Variants in CLPX observed in about 807,000 individuals in gnomAD.
CLPX encodes the protein ATP-dependent clpX-like chaperone, mitochondrial.
A neutral mutation model predicts 76.4 loss-of-function variants in CLPX; 34 were observed. The ratio of observed to expected loss-of-function variants is 0.45; its 90% CI spans 0.34 to 0.59. The LOEUF is 0.59. Ranked by LOEUF, CLPX falls within the 20% of genes least tolerant of loss-of-function variation. The pLI is 0.01. For synonymous variants in CLPX, 248 were observed against 270.9 expected, an observed-to-expected ratio of 0.92 and a Z score of 0.83; for missense variants, 613 against 757.0, an observed-to-expected ratio of 0.81 and a Z score of 2.23.
intron 13 of CLPX, among the ~76,000 whole-genome samples, chr15:65,151,780 T>C (rs188295724): frequency 2.7e-4 from 41 of 152,292 alleles, no homozygotes; most frequent in Admixed American, 2.4e-3. Flanking sequence ...CAAGCAAACA[T>C]AAAACATAAC....
rs1484333668 is a variant in CLPX, at chr15:65,185,246, G to A, written c.-93C>T. ...CCGCAAGGCGCGCTGACTCGGTTCC[G>A]AACCCTTTCGCGGGCCCTAGACCCC... is the stretch of plus-strand genomic sequence containing the variant. On this transcript the variant is annotated 5_prime_UTR_variant, in exon 1 of 14. Transcript: ENST00000300107. The A allele has an allele frequency of 1.0e-5, 11 of 1,086,012 alleles. No homozygotes were observed. The African/African-American group carries it at 1.2e-4, about 12-fold the overall frequency. 67.3% of individuals were successfully genotyped at this position (1,086,012 alleles called of 1,614,324 possible).
chr15:65,175,131 T>C (rs1417230998), intron 3 of CLPX, among the ~76,000 whole-genome samples: 1 of 152,100 alleles, frequency 6.6e-6, no homozygotes, highest in African/African-American at 2.4e-5. Flanking sequence ...CACAAAAGAA[T>C]TACAACTGAC....
Position 65,152,539 on chromosome 15 carries a change from A to AT in CLPX, c.1705-4_1705-3insA. On this transcript the variant is annotated splice_polypyrimidine_tract_variant and splice_region_variant and intron_variant, in intron 12 of 13. Coordinates refer to ENST00000300107, the MANE Select transcript of CLPX (RefSeq NM_006660.5). ...ATTGGTTCTAGTAACAGCTTTTCCTAAAGAAATAAAAAGTAATGAATCACA... is the reference window on the plus strand; with the variant it reads ...ATTGGTTCTAGTAACAGCTTTTCCTATAAGAAATAAAAAGTAATGAATCACA... 1 of 1,450,018 alleles carries AT rather than the reference A, an allele frequency of 6.9e-7. No individual in the cohort carries two copies. 89.8% of individuals were successfully genotyped at this position (1,450,018 alleles called of 1,614,324 possible).
intron 6 of CLPX, 69 bp from the exon 7 acceptor site, chr15:65,158,820 A>G (rs2087820864): frequency 1.2e-5 from 16 of 1,307,064 alleles, no homozygotes; most frequent in Middle Eastern, 1.9e-4. Context: ...TCCCATAAAA[A>G]CTTTTATCTA....
intron 11 of CLPX, chr15:65,154,572 AATG>A (rs2087763897): frequency 1.9e-6 from 1 of 515,534 alleles, no homozygotes; most frequent in African/African-American, 1.9e-5. Flanking sequence ...TTTAGGCTAT[AATG>A]ATGGTTTTAA....
chr15:65,170,701 C>T (rs1321507458), intron 3 of CLPX, among the ~76,000 whole-genome samples: 4 of 150,682 alleles, frequency 2.7e-5, no homozygotes, highest in Admixed American at 1.3e-4. Flanking sequence ...ACCTGGGAGG[C>T]GGAGGTTGCA....
chr15:65,181,595 A>G (rs971556519), intron 1 of CLPX, among the ~76,000 whole-genome samples: 16 of 151,930 alleles, frequency 1.1e-4, no homozygotes, highest in African/African-American at 3.6e-4. Flanking sequence ...TCTACTAAAG[A>G]TACAAAAAGT....
Position 65,185,114 on chromosome 15 carries a change from C to A in CLPX, c.40G>T (p.Val14Phe), listed in dbSNP as rs749219616. ...CGACTCGAAAVRLITSSLASA... is the reference protein window; with the variant it reads ...CGACTCGAAAFRLITSSLASA... ...GCGAGTGAGGAGGTGATGAGCCGGA[C>A]GGCCGCCGCGCCGCAAGTACAAGCA... The change falls in exon 1 of 14, where the codon GTC (valine) becomes TTC (phenylalanine). Residue 14 changes from valine (V) to phenylalanine (F), a missense_variant. This residue lies in a region of CLPX where 163 missense variants were observed against 118.4 expected (regional missense o/e 1.38). Transcript: ENST00000300107. 25 of 1,582,360 alleles carry A rather than the reference C, an allele frequency of 1.6e-5. No homozygotes were observed. The highest frequency in any genetic ancestry group is 2.7e-5 in the African/African-American group (2 of 74,716).
At chr15:65,164,007 G>T in intron 5 of CLPX, 22 bp downstream of exon 5, 1 of 1,602,314 alleles carries the variant, frequency 6.2e-7, no homozygotes, top group Non-Finnish European at 8.5e-7. Flanking sequence ...TCTCTATTTA[G>T]GTCAATTATC....
chr15:65,158,418 T>C, intron 7 of CLPX, 157 bp downstream of exon 7: 2 of 578,554 alleles, frequency 3.5e-6, no homozygotes, highest in Non-Finnish European at 5.8e-6. Flanking sequence ...AAATCCAGTT[T>C]GTATTCTATG....
intron 3 of CLPX, among the ~76,000 whole-genome samples, chr15:65,174,548 C>T (rs1329483668): frequency 6.6e-6 from 1 of 152,214 alleles, no homozygotes; most frequent in Non-Finnish European, 1.5e-5. Context: ...CAGGCATAAG[C>T]CACCATGCCG....
In CLPX at chr15:65,167,226, A is replaced by T. The variant is rs143098856; in HGVS notation, c.359-441T>A. On this transcript the variant is annotated intron_variant, in intron 3 of 13. Transcript: ENST00000300107. ...GCTGGGATTACAGGGGTGCACCACC[A>T]TGCCCAGCTAATTTTTGTATTTTTA... Among the ~76,000 whole-genome samples, 98 of 152,156 alleles carry T rather than the reference A, an allele frequency of 6.4e-4. 1 individual carries two copies. The highest frequency in any genetic ancestry group is 2.3e-3 in the African/African-American group (96 of 41,512).
chr15:65,158,286 T>C, intron 7 of CLPX: 1 of 325,760 alleles, frequency 3.1e-6, no homozygotes, highest in Non-Finnish European at 5.5e-6. Context: ...TCTCCCAAAA[T>C]GCTGGGATTA....
At chr15:65,157,679 T>C (rs141791602) in intron 8 of CLPX, 67 bp downstream of exon 8, 12 of 1,368,566 alleles carry the variant, frequency 8.8e-6, no homozygotes, top group Middle Eastern at 1.9e-4. Flanking sequence ...AGAATTATAT[T>C]GTCTCTTAAT....
At chr15:65,162,681 A>C in intron 5 of CLPX, 36 bp from the exon 6 acceptor site, 3 of 1,271,378 alleles carry the variant, frequency 2.4e-6, no homozygotes, top group Non-Finnish European at 3.4e-6. Flanking sequence ...ATATTTGTTT[A>C]CCTTGGGGGA....
At position 65,155,714 on chromosome 15, in the gene CLPX, A is replaced by C. The variant is rs2087781003; in HGVS notation, c.1289T>G (p.Ile430Ser). Residue 430 changes from isoleucine (I) to serine (S), a missense_variant, in exon 10 of 14, where the codon ATC (isoleucine) becomes AGC (serine). Ile to Ser is a moderately radical substitution (Grantham distance 142, BLOSUM62 -2). Coordinates refer to ENST00000300107, the MANE Select transcript of CLPX (RefSeq NM_006660.5). ...TACCTTTTCATTTTTCCTCCTGCTG[A>C]TGATTCTGTCTAAACCATTGAAAGC... ...SGAFNGLDRIISRRKNEKYLG... is the reference protein window; with the variant it reads ...SGAFNGLDRISSRRKNEKYLG... 6.2e-7 allele frequency: 1 copy of C among 1,612,146 alleles called. No individual in the cohort carries two copies. The highest frequency in any genetic ancestry group is 8.5e-7 in the Non-Finnish European group (1 of 1,179,124).
At chr15:65,156,698 A>G in intron 9 of CLPX, 146 bp downstream of exon 9, 1 of 485,100 alleles carries the variant, frequency 2.1e-6, no homozygotes, top group Non-Finnish European at 3.7e-6. Context: ...TTTAGGATCT[A>G]AACTACTTCA....
rs1595937333 is a variant in CLPX at position 65,157,007 on chromosome 15, G to A, written c.1058-75C>T. On this transcript the variant is annotated intron_variant, in intron 8 of 13. Transcript: ENST00000300107. ...GATAGCCTCAGCTTTAAAATACTTA[G>A]GTAGCTAGAGAACAAAGTTATTTGA... 9 of 871,964 alleles carry A rather than the reference G, an allele frequency of 1.0e-5. No homozygotes were observed. The Middle Eastern group carries it at 8.9e-4, about 86-fold the overall frequency. The allele number at this position is 871,964 out of a possible 1,614,324, so 54.0% of individuals were successfully genotyped here.
intron 3 of CLPX, among the ~76,000 whole-genome samples, chr15:65,168,862 C>CTA (rs1204111645): frequency 2.8e-5 from 4 of 144,388 alleles, no homozygotes; most frequent in Non-Finnish European, 6.1e-5. Context: ...TTTCTTTTCT[C>CTA]TTTTTTTTTT....
Sources: gnomAD v4.1 joint callset for allele counts (sites outside exome capture counted in the v4.1 genomes callset) on GRCh38, gnomAD v4.1.1 for gene constraint, gnomAD v4.1.1 regional missense constraint, MANE v1.5 for transcripts, NCBI Gene and HGNC (gene_info 2026-07-23, HGNC 2026-07-21) for gene names.